The following XKR9 variants were observed in gnomAD, a reference collection of about 807,000 sequenced individuals.
XKR9 encodes the protein XK related 9, also known as XK-related protein 9.
Under a neutral mutation model 32.0 loss-of-function variants are expected in XKR9, and 32 were observed. That is an observed-to-expected ratio of 1.00 (90% CI 0.76 to 1.34). The LOEUF is 1.34. Ranked by LOEUF, XKR9 falls within the 40% of genes most tolerant of loss-of-function variation. XKR9 has a pLI of 0.00. For missense variants in XKR9, 546 were observed against 429.7 expected, an observed-to-expected ratio of 1.27 and a Z score of -2.39; for synonymous variants, 168 against 143.4, an observed-to-expected ratio of 1.17 and a Z score of -1.22.
At chr8:70,860,750 G>A in the XKR9 span, among the ~76,000 whole-genome samples, 1 of 151,174 alleles carries the variant, frequency 6.6e-6, no homozygotes, top group Non-Finnish European at 1.5e-5. Context: ...GGGATAAGAT[G>A]TCCCCCTGTC....
the XKR9 span, among the ~76,000 whole-genome samples, chr8:70,969,547 T>C: frequency 7.9e-5 from 12 of 152,270 alleles, no homozygotes; most frequent in Non-Finnish European, 1.2e-4. Flanking sequence ...GAGATGAGGC[T>C]GAGGATCATG....
At chr8:70,836,168 G>T in the XKR9 span, among the ~76,000 whole-genome samples, 2 of 151,912 alleles carry the variant, frequency 1.3e-5, no homozygotes, top group Non-Finnish European at 2.9e-5. Flanking sequence ...AACCACTTCA[G>T]CATCTATAAT....
chr8:71,004,628 G>T, the XKR9 span, among the ~76,000 whole-genome samples: 1 of 152,152 alleles, frequency 6.6e-6, no homozygotes. Flanking sequence ...GAAGTAGGTG[G>T]CTATCTCTAA....
the XKR9 span, among the ~76,000 whole-genome samples, chr8:70,968,246 T>C: frequency 2.6e-5 from 4 of 152,242 alleles, no homozygotes; most frequent in African/African-American, 9.6e-5. Flanking sequence ...ATACTTGTGA[T>C]TGCATTGTGA....
chr8:70,734,229 CCTCA>C lies in XKR9; in HGVS notation c.930_933del (p.Thr311PhefsTer12). On this transcript the variant is annotated frameshift_variant, in exon 5 of 5. Coordinates refer to ENST00000408926, the MANE Select transcript of XKR9 (RefSeq NM_001011720.2). LOFTEE classifies it high-confidence loss of function. ...TATTGACTGTATTCTGGGTTTGCCCCCTCACTATTTTTAATCCAGACTATTTTAT... is the reference window on the plus strand; with the variant it reads ...TATTGACTGTATTCTGGGTTTGCCCCCTATTTTTAATCCAGACTATTTTAT... 6.2e-7 allele frequency: 1 copy of C among 1,612,986 alleles called. No homozygotes were observed. The highest frequency in any genetic ancestry group is 8.5e-7 in the Non-Finnish European group (1 of 1,179,434).
the XKR9 span, among the ~76,000 whole-genome samples, chr8:71,016,814 T>C: frequency 6.7e-6 from 1 of 148,352 alleles, no homozygotes; most frequent in Non-Finnish European, 1.5e-5. Flanking sequence ...ATCTATTAAA[T>C]TCTCATTCAT....
the XKR9 span, among the ~76,000 whole-genome samples, chr8:70,994,695 A>G: frequency 6.8e-6 from 1 of 146,944 alleles, no homozygotes; most frequent in Non-Finnish European, 1.5e-5. Flanking sequence ...CTCTATTCCC[A>G]TTACACATTA....
At chr8:70,732,046 C>T (rs558908641) in intron 4 of XKR9, among the ~76,000 whole-genome samples, 57 of 152,290 alleles carry the variant, frequency 3.7e-4, no homozygotes, top group Middle Eastern at 3.4e-3. Context: ...GAGCCAACCA[C>T]GACTCCCAGG....
the XKR9 span, among the ~76,000 whole-genome samples, chr8:70,816,307 G>A: frequency 3.3e-5 from 5 of 152,188 alleles, no homozygotes; most frequent in African/African-American, 1.2e-4. Flanking sequence ...AGTTAAATTA[G>A]TATAACCTTT....
intron 2 of XKR9, among the ~76,000 whole-genome samples, chr8:70,770,243 C>A (rs1193130371): frequency 2.0e-5 from 3 of 152,188 alleles, no homozygotes; most frequent in Admixed American, 2.0e-4. Context: ...CCACTCCAGA[C>A]CCTGTTTTCC....
intron 4 of XKR9, among the ~76,000 whole-genome samples, chr8:70,713,429 C>T (rs1805985912): frequency 6.6e-6 from 1 of 152,080 alleles, no homozygotes; most frequent in Non-Finnish European, 1.5e-5. Flanking sequence ...CCCACAGATT[C>T]AAGAAGCCCA....
At chr8:70,850,799 A>G in the XKR9 span, among the ~76,000 whole-genome samples, 1 of 152,204 alleles carries the variant, frequency 6.6e-6, no homozygotes, top group Non-Finnish European at 1.5e-5. Flanking sequence ...AAAAAGAGCT[A>G]TTTATGACAA....
At chr8:70,750,225 T>C (rs1266683166) in intron 2 of XKR9, among the ~76,000 whole-genome samples, 2 of 152,212 alleles carry the variant, frequency 1.3e-5, no homozygotes, top group African/African-American at 2.4e-5. Context: ...GTCATATAAA[T>C]TAGGGATTGC....
At chr8:70,710,506 G>A (rs1479199435) in intron 4 of XKR9, among the ~76,000 whole-genome samples, 1 of 152,070 alleles carries the variant, frequency 6.6e-6, no homozygotes, top group African/African-American at 2.4e-5. Flanking sequence ...TTCGAGATCA[G>A]CCTGGCCAAC....
chr8:70,935,137 A>G, the XKR9 span, among the ~76,000 whole-genome samples: 4,193 of 147,212 alleles, frequency 0.028, 168 homozygotes, highest in African/African-American at 0.1. Context: ...ACACACATAT[A>G]TATACACATA....
At chr8:70,824,517 C>T in the XKR9 span, among the ~76,000 whole-genome samples, 1 of 151,990 alleles carries the variant, frequency 6.6e-6, no homozygotes, top group Non-Finnish European at 1.5e-5. Flanking sequence ...GGTCAGTAGA[C>T]CCAAGGAACA....
Position 70,743,591 on chromosome 8 carries a change from T to C in XKR9, n.352+36438T>C, listed in dbSNP as rs1281094802. On this transcript the variant is annotated intron_variant and non_coding_transcript_variant, in intron 2 of 3. Transcript: ENST00000520273. ...TAAACTCTGAACTCTAAACAATCTT[T>C]ATTTAACCTTCAGTGAGCTGCATCG... 3.3e-5 allele frequency among the ~76,000 whole-genome samples: 5 copies of C among 151,714 alleles called. No individual in the cohort carries two copies. In the East Asian group the frequency reaches 7.7e-4, roughly 23 times the overall value.
chr8:70,906,014 C>A, the XKR9 span, among the ~76,000 whole-genome samples: 1 of 152,202 alleles, frequency 6.6e-6, no homozygotes, highest in African/African-American at 2.4e-5. Flanking sequence ...GGGCACCCAG[C>A]TGTATGAGGT....
intron 3 of XKR9, among the ~76,000 whole-genome samples, chr8:70,698,088 A>C (rs1247658403): frequency 6.6e-6 from 1 of 151,956 alleles, no homozygotes; most frequent in African/African-American, 2.4e-5. Context: ...CTTCTTTATT[A>C]GTCTTGCTAG....
Sources: gnomAD v4.1 joint callset for allele counts (sites outside exome capture counted in the v4.1 genomes callset) on GRCh38, gnomAD v4.1.1 for gene constraint, MANE v1.5 for transcripts, NCBI Gene and HGNC (gene_info 2026-07-23, HGNC 2026-07-21) for gene names.